MAGI2: variants seen among roughly 807,000 people sequenced by gnomAD.
The protein encoded by MAGI2 is membrane associated guanylate kinase, WW and PDZ domain containing 2.
In MAGI2, 35 loss-of-function variants were observed where a neutral mutation model predicts 133.3. The observed-to-expected ratio is 0.26, with a 90% CI of 0.20 to 0.35. The LOEUF is 0.35. MAGI2 is among the 10% of genes least tolerant of loss of function. MAGI2 has a pLI of 1.00. For missense variants in MAGI2, 1,636 were observed against 1,863.4 expected (o/e 0.88, Z 2.25); for synonymous variants, 729 against 710.6 (o/e 1.03, Z -0.41).
intron 6 of MAGI2, among the ~76,000 whole-genome samples, chr7:78,372,970 T>C (rs1453859455): frequency 1.4e-5 from 2 of 139,026 alleles, no homozygotes; most frequent in Non-Finnish European, 3.1e-5. Flanking sequence ...AGTATACTTG[T>C]CAAAAATAAA....
chr7:78,893,206 C>A (rs1796916318), intron 2 of MAGI2, among the ~76,000 whole-genome samples: 1 of 151,950 alleles, frequency 6.6e-6, no homozygotes, highest in Non-Finnish European at 1.5e-5. Context: ...GTTAGAATGG[C>A]AATCATTAAA....
intron 2 of MAGI2, among the ~76,000 whole-genome samples, chr7:78,929,492 G>A (rs888383353): frequency 1.3e-5 from 2 of 151,992 alleles, no homozygotes; most frequent in African/African-American, 4.8e-5. Context: ...AAAGTCAAAC[G>A]TCAGCAGGAG....
intron 6 of MAGI2, among the ~76,000 whole-genome samples, chr7:78,446,660 G>A (rs1788173489): frequency 1.3e-5 from 2 of 151,970 alleles, no homozygotes; most frequent in African/African-American, 4.8e-5. Flanking sequence ...TGTTCAAAGT[G>A]GGGCAAACCA....
At position 78,255,936 on chromosome 7, in the gene MAGI2, G is replaced by T; in HGVS notation, c.2047+7C>A. The T allele has an allele frequency of 3.1e-6, 5 of 1,613,070 alleles. No individual in the cohort carries two copies. The South Asian group carries it at 4.4e-5, about 14-fold the overall frequency. On this transcript the variant is annotated splice_region_variant and intron_variant, in intron 10 of 21. Transcript: ENST00000354212. ...ATATTTTATTGCTGAGCCAGTGTTT[G>T]TCTTACCTCCTCGATGGATAATCAA...
chr7:78,608,471 GTATA>G (rs1022062937), intron 3 of MAGI2, among the ~76,000 whole-genome samples: 5 of 149,626 alleles, frequency 3.3e-5, no homozygotes, highest in South Asian at 2.1e-4. Context: ...GTGTGTGTAT[GTATA>G]TATATATATA....
intron 1 of MAGI2, among the ~76,000 whole-genome samples, chr7:79,092,656 C>G (rs17151941): frequency 0.023 from 3,477 of 152,234 alleles, 55 homozygotes; most frequent in African/African-American, 0.043. Flanking sequence ...TGCTTATGAA[C>G]AAATTTTAGG....
intron 2 of MAGI2, among the ~76,000 whole-genome samples, chr7:78,902,806 G>A (rs1436708693): frequency 6.6e-6 from 1 of 152,072 alleles, no homozygotes; most frequent in East Asian, 1.9e-4. Flanking sequence ...GTTCTCCCGG[G>A]CAACCAGCAG....
chr7:78,818,280 A>G (rs1006255678), intron 2 of MAGI2, among the ~76,000 whole-genome samples: 9 of 152,114 alleles, frequency 5.9e-5, no homozygotes, highest in Admixed American at 5.9e-4. Context: ...TGTTTTAGAG[A>G]CTGAATTCCA....
intron 2 of MAGI2, among the ~76,000 whole-genome samples, chr7:78,633,701 G>GT (rs1243718140): frequency 1.9e-5 from 2 of 104,180 alleles, no homozygotes; most frequent in East Asian, 5.0e-4. Flanking sequence ...GCGAGACTCC[G>GT]TCTCAAAAAA....
intron 6 of MAGI2, among the ~76,000 whole-genome samples, chr7:78,413,585 TGGGA>T (rs1461220613): frequency 2.6e-5 from 4 of 151,992 alleles, no homozygotes; most frequent in Non-Finnish European, 4.4e-5. Context: ...GAAACAAATT[TGGGA>T]GTCATTCTAC....
intron 1 of MAGI2, among the ~76,000 whole-genome samples, chr7:79,159,859 C>A (rs1352682799): frequency 6.6e-6 from 1 of 151,912 alleles, no homozygotes; most frequent in African/African-American, 2.4e-5. Flanking sequence ...AATAAAGTAT[C>A]TTTTGGACAT....
intron 1 of MAGI2, among the ~76,000 whole-genome samples, chr7:79,373,314 C>T (rs1455695054): frequency 2.6e-5 from 4 of 151,626 alleles, no homozygotes. Flanking sequence ...CTGTTATTGG[C>T]AAAATATCTA....
At chr7:78,551,905 C>T (rs1048834337) in intron 3 of MAGI2, among the ~76,000 whole-genome samples, 1 of 152,040 alleles carries the variant, frequency 6.6e-6, no homozygotes, top group Non-Finnish European at 1.5e-5. Context: ...CCACCACGCC[C>T]AGCTAATTTT....
At chr7:78,280,145 G>C (rs1363218501) in intron 9 of MAGI2, among the ~76,000 whole-genome samples, 1 of 152,150 alleles carries the variant, frequency 6.6e-6, no homozygotes, top group Non-Finnish European at 1.5e-5. Context: ...CATAGTTTCT[G>C]GGGGATTTGG....
At chr7:79,148,632 A>G (rs7807495) in intron 1 of MAGI2, among the ~76,000 whole-genome samples, 1 of 151,512 alleles carries the variant, frequency 6.6e-6, no homozygotes, top group Non-Finnish European at 1.5e-5. Context: ...TTCAGAGGTA[A>G]CTCACTCTGG....
At chr7:78,518,152 T>C (rs1233636891) in intron 4 of MAGI2, 1 of 152,158 alleles carries the variant, frequency 6.6e-6, no homozygotes, top group East Asian at 1.9e-4. Context: ...ACTAGGAATT[T>C]TTTATACACA....
chr7:78,802,140 C>T (rs1049989135), intron 2 of MAGI2, among the ~76,000 whole-genome samples: 3 of 152,186 alleles, frequency 2.0e-5, no homozygotes, highest in East Asian at 1.9e-4. Flanking sequence ...TCCGTACCTA[C>T]GATCTTAACC....
rs1000395717 is a variant in MAGI2, at chr7:78,990,106, G to T, written c.418+16984C>A. Among the ~76,000 whole-genome samples the T allele has an allele frequency of 3.3e-5, 5 of 152,128 alleles. No homozygotes were observed. In the East Asian group the frequency reaches 9.7e-4, roughly 30 times the overall value. On this transcript the variant is annotated intron_variant, in intron 2 of 21. Transcript: ENST00000354212. ...GAACATTTACTTTCTGCAAGGCATT[G>T]CTCTGAGCATCTTAATTCATTTAAT...
chr7:78,501,484 CTT>C (rs554529806), intron 5 of MAGI2, 91 bp downstream of exon 5: 2,950 of 825,598 alleles, frequency 3.6e-3, no homozygotes, highest in South Asian at 4.4e-3. Flanking sequence ...ATGTTTTTTT[CTT>C]TTTTTTTTTT....
Sources: gnomAD v4.1 joint callset for allele counts (sites outside exome capture counted in the v4.1 genomes callset) on GRCh38, gnomAD v4.1.1 for gene constraint, MANE v1.5 for transcripts, NCBI Gene and HGNC (gene_info 2026-07-23, HGNC 2026-07-21) for gene names.